Variants in TMEM38B observed in about 807,000 individuals in gnomAD.
TMEM38B encodes transmembrane protein 38B.
TMEM38B carries 24 observed loss-of-function variants against 28.7 expected under a neutral mutation model. The ratio of observed to expected loss-of-function variants is 0.84; its 90% CI spans 0.61 to 1.18. The LOEUF (loss-of-function observed/expected upper bound fraction) is 1.18. Among genes scored for constraint, TMEM38B ranks in the 50% most tolerant of loss-of-function variants. The probability of loss-of-function intolerance (pLI) is 0.00; values close to 1 mark genes in which losing one functional copy is unlikely to be tolerated. For synonymous variants in TMEM38B, 131 were observed against 127.7 expected, an observed-to-expected ratio of 1.03 and a Z score of -0.17; for missense variants, 380 against 350.9, an observed-to-expected ratio of 1.08 and a Z score of -0.66.
chr9:105,700,073 G>A (rs1335140560), intron 1 of TMEM38B, among the ~76,000 whole-genome samples: 2 of 152,112 alleles, frequency 1.3e-5, no homozygotes, highest in Admixed American at 6.5e-5. Context: ...CCTGACTACA[G>A]TAATTTCTAT....
At chr9:105,697,219 G>A (rs748064093) in intron 1 of TMEM38B, among the ~76,000 whole-genome samples, 1 of 152,132 alleles carries the variant, frequency 6.6e-6, no homozygotes, top group African/African-American at 2.4e-5. Flanking sequence ...TGTGTAAGCT[G>A]TCCCCTATCC....
At chr9:105,752,252 G>A (rs75283487) in intron 5 of TMEM38B, among the ~76,000 whole-genome samples, 34 of 152,084 alleles carry the variant, frequency 2.2e-4, no homozygotes, top group African/African-American at 4.1e-4. Context: ...CTAGGCTGCC[G>A]GCTTTGGAAT....
In TMEM38B at chr9:105,748,186, C is replaced by G; in HGVS notation, c.656C>G (p.Thr219Arg). ...MFLYTIFIVA[T>R]KITMMTTQTS... The stretch of plus-strand genomic sequence containing the variant: ...CTTTATACCATCTTTATTGTGGCCA[C>G]AAAGGTAAGAATTCAAAGTACCTAT... Residue 219 changes from threonine to arginine, a missense_variant, in exon 5 of 6, where the codon ACA becomes AGA. By Grantham distance (71) the Thr-to-Arg change is moderately conservative (BLOSUM62 -1). Coordinates refer to ENST00000374692, the MANE Select transcript of TMEM38B (RefSeq NM_018112.3). 1 of 1,603,062 alleles carries G rather than the reference C, an allele frequency of 6.2e-7. No individual in the cohort carries two copies. The highest frequency in any genetic ancestry group is 8.5e-7 in the Non-Finnish European group (1 of 1,170,736).
chr9:105,751,475 C>G (rs1340314607), intron 5 of TMEM38B, among the ~76,000 whole-genome samples: 1 of 152,198 alleles, frequency 6.6e-6, no homozygotes, highest in African/African-American at 2.4e-5. Flanking sequence ...CTCAGTCATA[C>G]ACAGAGACCC....
intron 4 of TMEM38B, among the ~76,000 whole-genome samples, chr9:105,732,748 C>T (rs1431310530): frequency 6.6e-6 from 1 of 152,144 alleles, no homozygotes; most frequent in Non-Finnish European, 1.5e-5. Context: ...AGCGTGATGC[C>T]TCCAGCTTTG....
intron 5 of TMEM38B, among the ~76,000 whole-genome samples, chr9:105,768,973 T>C (rs919744153): frequency 6.6e-6 from 1 of 152,228 alleles, no homozygotes; most frequent in East Asian, 1.9e-4. Context: ...AAAATATTGA[T>C]AAATTTGACT....
intron 4 of TMEM38B, among the ~76,000 whole-genome samples, chr9:105,747,330 T>C (rs934751909): frequency 1.3e-5 from 2 of 152,252 alleles, no homozygotes; most frequent in Non-Finnish European, 2.9e-5. Flanking sequence ...GAGGAATTTA[T>C]CCATTTCTTC....
At chr9:105,714,086 C>T (rs1193587059) in intron 2 of TMEM38B, among the ~76,000 whole-genome samples, 1 of 122,620 alleles carries the variant, frequency 8.2e-6, no homozygotes, top group East Asian at 3.7e-4. Context: ...GCTACCCTCT[C>T]TGTTGAGAGC....
At chr9:105,710,477 C>T in intron 2 of TMEM38B, 1 of 1,427,648 alleles carries the variant, frequency 7.0e-7, no homozygotes, top group South Asian at 1.2e-5. Context: ...CATATTCCTC[C>T]CTTCCTTGGC....
At chr9:105,755,456 G>A (rs1286242650) in intron 5 of TMEM38B, among the ~76,000 whole-genome samples, 1 of 151,230 alleles carries the variant, frequency 6.6e-6, no homozygotes, top group Non-Finnish European at 1.5e-5. Context: ...TTAAATAAAA[G>A]TTGAAGAATG....
chr9:105,712,979 G>A (rs1057430725), intron 2 of TMEM38B, among the ~76,000 whole-genome samples: 11 of 152,358 alleles, frequency 7.2e-5, no homozygotes, highest in Admixed American at 2.0e-4. Context: ...CAGGCCCAGT[G>A]AGGACCTGGA....
At chr9:105,713,038 G>A (rs559871392) in intron 2 of TMEM38B, among the ~76,000 whole-genome samples, 38 of 152,340 alleles carry the variant, frequency 2.5e-4, no homozygotes, top group African/African-American at 8.7e-4. Context: ...CATGCACCAC[G>A]GAGCAGAGGG....
intron 5 of TMEM38B, among the ~76,000 whole-genome samples, chr9:105,761,503 T>G (rs949980804): frequency 6.6e-6 from 1 of 152,190 alleles, no homozygotes; most frequent in Non-Finnish European, 1.5e-5. Context: ...GTTCCAGATA[T>G]GCGGAGACAG....
intron 5 of TMEM38B, chr9:105,759,481 G>C: frequency 6.3e-7 from 1 of 1,581,320 alleles, no homozygotes; most frequent in Non-Finnish European, 8.6e-7. Context: ...AAACAGAGGA[G>C]TGAGTGCTAA....
At chr9:105,753,314 G>A (rs1005074010) in intron 5 of TMEM38B, among the ~76,000 whole-genome samples, 3 of 152,034 alleles carry the variant, frequency 2.0e-5, no homozygotes, top group Non-Finnish European at 4.4e-5. Flanking sequence ...GAAATCCAGG[G>A]AACCCAGTTA....
intron 2 of TMEM38B, chr9:105,710,755 T>C (rs990834185): frequency 1.0e-5 from 6 of 572,366 alleles, no homozygotes; most frequent in Non-Finnish European, 1.4e-5. Flanking sequence ...CAGAGACATG[T>C]TGGGGAGACG....
chr9:105,725,135 T>A (rs1449896946), intron 4 of TMEM38B, among the ~76,000 whole-genome samples: 1 of 152,130 alleles, frequency 6.6e-6, no homozygotes, highest in Non-Finnish European at 1.5e-5. Flanking sequence ...CTCAAAGTAT[T>A]TTCTCAATGC....
rs1564386156 is a variant in TMEM38B, at chr9:105,705,657, G to C, written c.173G>C (p.Cys58Ser). The C allele has an allele frequency of 6.2e-7, 1 of 1,613,964 alleles. No homozygotes were observed. The highest frequency in any genetic ancestry group is 1.7e-5 in the Admixed American group (1 of 60,022). ...ISSWFTAMLH[C>S]FGGGILSCLL... is the part of the protein sequence containing the mutation. ...AGCTGGTTTACTGCTATGCTCCACT[G>C]TTTTGGTGGAGGAATTTTATCCTGT... is the stretch of plus-strand genomic sequence containing the variant. Residue 58 changes from cysteine (C) to serine (S), a missense_variant, in exon 2 of 6, where the codon TGT becomes TCT. Physicochemically the swap from Cys to Ser is moderately radical, Grantham distance 112. Transcript: ENST00000374692.
intron 2 of TMEM38B, chr9:105,710,599 A>G (rs1588398161): frequency 5.0e-6 from 4 of 806,156 alleles, no homozygotes; most frequent in African/African-American, 3.4e-5. Flanking sequence ...CATCAGGAAC[A>G]CCCTCAAATT....
Sources: allele counts gnomAD v4.1 joint callset (sites outside exome capture counted in the v4.1 genomes callset), GRCh38; gene constraint gnomAD v4.1.1; transcripts MANE v1.5; gene names NCBI Gene and HGNC (gene_info 2026-07-23, HGNC 2026-07-21).